The following CUL2 variants were observed in gnomAD, a reference collection of about 807,000 sequenced individuals.
CUL2 encodes the protein cullin-2.
A neutral mutation model predicts 110.2 loss-of-function variants in CUL2; 22 were observed. That is an observed-to-expected ratio of 0.20 (90% CI 0.14 to 0.28). The LOEUF (loss-of-function observed/expected upper bound fraction) is 0.28, where lower values mean the gene tolerates loss of function less well. CUL2 is among the 10% of genes least tolerant of loss of function. The pLI is 1.00. For missense variants in CUL2, 631 were observed against 905.5 expected (o/e 0.70, Z 3.89); for synonymous variants, 279 against 293.2 (o/e 0.95, Z 0.49).
intron 2 of CUL2, among the ~76,000 whole-genome samples, chr10:35,068,528 G>A (rs2134972937): frequency 6.6e-6 from 1 of 152,318 alleles, no homozygotes; most frequent in South Asian, 2.1e-4. Context: ...CGTGTTTCGG[G>A]TGGGGGTTAT....
chr10:35,049,898 C>T (rs1279395574), intron 5 of CUL2, 133 bp from the exon 6 acceptor site: 1 of 566,452 alleles, frequency 1.8e-6, no homozygotes, highest in East Asian at 3.0e-5. Flanking sequence ...CAAATAAAAC[C>T]TGAACAAAAA....
chr10:35,013,786 T>C lies in CUL2; in HGVS notation c.1902A>G (p.Ala634=), dbSNP rs775136566. The change falls in exon 19 of 21, where the codon GCA becomes GCG. Residue 634 remains alanine (A), a synonymous_variant. Transcript: ENST00000374749. ...TCATATTTAATGAAAACGAAGATTCTGCATCAATATCTTCCTACATTTAAA... is the reference window on the plus strand; with the variant it reads ...TCATATTTAATGAAAACGAAGATTCCGCATCAATATCTTCCTACATTTAAA... ...NHDSEKEDID[A]ESSFSLNMNF... 4.6e-6 allele frequency: 7 copies of C among 1,513,198 alleles called. No homozygotes were observed. The Admixed American group carries it at 6.0e-5, about 13-fold the overall frequency. 93.7% of individuals were successfully genotyped at this position (1,513,198 alleles called of 1,614,324 possible).
chr10:35,021,838 A>G (rs1201466970), intron 17 of CUL2, among the ~76,000 whole-genome samples: 1 of 59,210 alleles, frequency 1.7e-5, no homozygotes, highest in African/African-American at 6.6e-5. Context: ...AGGCGAGGTG[A>G]GGTGAGGTGA....
At position 35,044,764 on chromosome 10, in the gene CUL2, C is replaced by T. The variant is rs2085891799; in HGVS notation, c.603+8G>A. On this transcript the variant is annotated splice_region_variant and intron_variant, in intron 7 of 20. Transcript: ENST00000374749. ...TCTGATTATTTGTTTTTAAAGGAGG[C>T]TGTTTACCTTTAAGGGGAATTTTTT... is the stretch of plus-strand genomic sequence containing the variant. 1.3e-6 allele frequency: 2 copies of T among 1,596,790 alleles called. No homozygotes were observed. The highest frequency in any genetic ancestry group is 1.7e-5 in the Admixed American group (1 of 59,280).
In CUL2 at chr10:35,009,566, C is replaced by A. The variant is rs12263386; in HGVS notation, c.*745G>T. ...GGTCACCAAGCATCCTGCTCACACT[C>A]TGCGATGTCTGTGGAGTAGCACACC... On this transcript the variant is annotated 3_prime_UTR_variant, in exon 21 of 21. Coordinates refer to ENST00000374749, the MANE Select transcript of CUL2 (RefSeq NM_003591.4). 5 of 152,208 alleles carry A rather than the reference C, an allele frequency of 3.3e-5. No homozygotes were observed. The highest frequency in any genetic ancestry group is 1.2e-4 in the African/African-American group (5 of 41,438). The allele number at this position is 152,208 out of a possible 1,614,324, so 9.4% of individuals were successfully genotyped here. A position where few individuals can be genotyped will look rare whatever the true frequency, so the allele number is the denominator to read the frequency against.
chr10:35,028,124 G>GT (rs2085379907), intron 16 of CUL2, among the ~76,000 whole-genome samples: 1 of 152,148 alleles, frequency 6.6e-6, no homozygotes, highest in Admixed American at 6.5e-5. Context: ...TGCAAAATTT[G>GT]TAATAACCTT....
chr10:35,054,180 A>C (rs895038309), intron 5 of CUL2, among the ~76,000 whole-genome samples: 2 of 152,164 alleles, frequency 1.3e-5, no homozygotes, highest in African/African-American at 4.8e-5. Context: ...ATTGTTTCTG[A>C]GTTTTTTCAC....
chr10:35,103,326 T>TTA (rs1554871800), intron 1 of CUL2, among the ~76,000 whole-genome samples: 52 of 119,874 alleles, frequency 4.3e-4, no homozygotes, highest in Non-Finnish European at 6.6e-4. Context: ...TTTTTTTTTT[T>TTA]TTTTTTATTT....
chr10:35,092,098 G>A (rs559269675), upstream of CUL2, among the ~76,000 whole-genome samples: 3 of 151,236 alleles, frequency 2.0e-5, no homozygotes, highest in South Asian at 2.1e-4. Context: ...GACTACAGGC[G>A]CGTGCGCCAC....
chr10:35,043,840 G>A (rs1280544214), intron 8 of CUL2, among the ~76,000 whole-genome samples: 1 of 152,040 alleles, frequency 6.6e-6, no homozygotes, highest in East Asian at 1.9e-4. Context: ...GCTGAGGCAG[G>A]AGGACTGCTC....
intron 1 of CUL2, among the ~76,000 whole-genome samples, chr10:35,083,498 G>A (rs2086989875): frequency 6.6e-6 from 1 of 152,148 alleles, no homozygotes; most frequent in African/African-American, 2.4e-5. Flanking sequence ...CCAAAAAAAG[G>A]AACCAGAGCT....
chr10:35,114,583 A>C (rs2087568939), intron 1 of CUL2, among the ~76,000 whole-genome samples: 1 of 147,942 alleles, frequency 6.8e-6, no homozygotes, highest in Non-Finnish European at 1.5e-5. Flanking sequence ...GGGTTTCGCT[A>C]TGTTGGCCAG....
chr10:35,116,532 C>CT lies in CUL2; in HGVS notation c.-51+10072dup, dbSNP rs370350334. 2.5e-3 allele frequency among the ~76,000 whole-genome samples: 379 copies of CT among 151,894 alleles called. 1 individual carries two copies. Among genetic ancestry groups the CT allele is most frequent in the African/African-American group, 5.8e-3 (239 of 41,400 alleles). On this transcript the variant is annotated intron_variant, in intron 1 of 5. Coordinates refer to the CUL2 transcript ENST00000685421. ...TTCACAGTAATGTACCCAGCTGTGG[C>CT]TTTTTTTTGTGATCTCGTTTAACCC...
At chr10:35,096,809 CTTTTTTTT>C (rs71523358) in intron 2 of CUL2, among the ~76,000 whole-genome samples, 1 of 133,072 alleles carries the variant, frequency 7.5e-6, no homozygotes, top group Non-Finnish European at 1.6e-5. Context: ...TTCAGGTCCA[CTTTTTTTT>C]TTTTTTTTTT....
chr10:35,032,085 T>G (rs1474804627), intron 12 of CUL2, among the ~76,000 whole-genome samples: 1 of 152,114 alleles, frequency 6.6e-6, no homozygotes, highest in Non-Finnish European at 1.5e-5. Context: ...GAACAAGTAC[T>G]TTAAAAAAAA....
intron 1 of CUL2, among the ~76,000 whole-genome samples, chr10:35,117,116 A>T (rs1413937632): frequency 6.6e-6 from 1 of 151,896 alleles, no homozygotes; most frequent in Non-Finnish European, 1.5e-5. Context: ...TTCCCAGGAC[A>T]AAAAACTGGT....
intron 11 of CUL2, 121 bp from the exon 12 acceptor site, chr10:35,032,615 G>A (rs17583044): frequency 6.0e-4 from 385 of 643,994 alleles, no homozygotes; most frequent in Non-Finnish European, 8.7e-4. Flanking sequence ...CAGCATTGCC[G>A]GTAGTTTGTT....
intron 10 of CUL2, among the ~76,000 whole-genome samples, 168 bp from the exon 11 acceptor site, chr10:35,033,441 C>T (rs1052164104): frequency 2.6e-5 from 4 of 152,064 alleles, no homozygotes; most frequent in Admixed American, 1.3e-4. Flanking sequence ...AAATTTACAA[C>T]TTTGGTGTTG....
At chr10:35,035,029 G>C in intron 10 of CUL2, 143 bp downstream of exon 10, 1 of 1,019,306 alleles carries the variant, frequency 9.8e-7, no homozygotes, top group Middle Eastern at 3.2e-4. Flanking sequence ...CAAATTCTAG[G>C]TTTAAAACAT....
Sources: allele counts gnomAD v4.1 joint callset (sites outside exome capture counted in the v4.1 genomes callset), GRCh38; gene constraint gnomAD v4.1.1; transcripts MANE v1.5; gene names NCBI Gene and HGNC (gene_info 2026-07-23, HGNC 2026-07-21).